The following DLG2 variants were observed in gnomAD, a reference collection of about 807,000 sequenced individuals.
The protein encoded by DLG2 is discs large MAGUK scaffold protein 2.
In DLG2, 45 loss-of-function variants were observed where a neutral mutation model predicts 132.5. The observed-to-expected ratio is 0.34, with a 90% confidence interval of 0.27 to 0.44. The LOEUF (loss-of-function observed/expected upper bound fraction) is 0.44. Ranked by LOEUF, DLG2 falls within the 20% of genes least tolerant of loss-of-function variation. The pLI is 1.00. For synonymous variants in DLG2, 424 were observed against 419.6 expected, an observed-to-expected ratio of 1.01 and a Z score of -0.13; for missense variants, 1,045 against 1,196.9, an observed-to-expected ratio of 0.87 and a Z score of 1.87.
chr11:85,452,900 G>C (rs1435571024), intron 3 of DLG2: 1 of 207,026 alleles, frequency 4.8e-6, no homozygotes, highest in Admixed American at 4.4e-5. Context: ...ATACTTTCTT[G>C]AAGGCAAAGA....
chr11:84,884,160 G>A (rs991098287), intron 6 of DLG2, among the ~76,000 whole-genome samples: 1 of 151,948 alleles, frequency 6.6e-6, no homozygotes, highest in African/African-American at 2.4e-5. Flanking sequence ...GCTTTCCGAG[G>A]GTGATTTCTA....
In DLG2 at chr11:83,470,051, CT is replaced by C. The variant is rs2136454255; in HGVS notation, c.2447-679del. ...CTGTTAAAATATTTTTAATCTTTGA[CT>C]CACTTATTTTTTCCTAGAAATATGT... On this transcript the variant is annotated intron_variant, in intron 24 of 27. Coordinates refer to ENST00000376104, the MANE Select transcript of DLG2 (RefSeq NM_001142699.3). Among the ~76,000 whole-genome samples the C allele has an allele frequency of 2.0e-5, 3 of 152,152 alleles. No individual in the cohort carries two copies. In the East Asian group the frequency reaches 5.8e-4, roughly 29 times the overall value.
chr11:83,998,114 C>T (rs545897806), intron 11 of DLG2, among the ~76,000 whole-genome samples: 77 of 151,374 alleles, frequency 5.1e-4, no homozygotes, highest in Middle Eastern at 3.4e-3. Flanking sequence ...CCAGCCTGGG[C>T]GACAGAGTGA....
intron 6 of DLG2, among the ~76,000 whole-genome samples, chr11:84,732,238 C>A (rs1437446918): frequency 2.0e-5 from 3 of 152,084 alleles, no homozygotes; most frequent in Non-Finnish European, 4.4e-5. Context: ...CTACGAATAT[C>A]TGTGCATAAG....
chr11:84,931,162 T>G (rs1363230774), intron 6 of DLG2, among the ~76,000 whole-genome samples: 1 of 152,142 alleles, frequency 6.6e-6, no homozygotes, highest in African/African-American at 2.4e-5. Flanking sequence ...TTTCAGTATT[T>G]TTTTTTAATT....
At chr11:84,939,633 T>C (rs918678826) in intron 6 of DLG2, among the ~76,000 whole-genome samples, 10 of 152,184 alleles carry the variant, frequency 6.6e-5, no homozygotes, top group Admixed American at 4.6e-4. Flanking sequence ...AGTTCAATTG[T>C]TTTCATTTTT....
chr11:84,178,885 G>A (rs1013354997), intron 8 of DLG2, among the ~76,000 whole-genome samples: 2 of 152,064 alleles, frequency 1.3e-5, no homozygotes, highest in African/African-American at 4.8e-5. Flanking sequence ...TGGTAAGAGA[G>A]AAGAGGGCAA....
intron 3 of DLG2, among the ~76,000 whole-genome samples, chr11:85,569,044 T>C (rs2077698481): frequency 6.6e-6 from 1 of 152,178 alleles, no homozygotes; most frequent in South Asian, 2.1e-4. Flanking sequence ...TGTTTGTTTG[T>C]ATTTTGAGAT....
intron 11 of DLG2, among the ~76,000 whole-genome samples, chr11:84,057,702 T>C (rs186941736): frequency 1.3e-5 from 2 of 152,322 alleles, no homozygotes; most frequent in Non-Finnish European, 2.9e-5. Flanking sequence ...GCTAATTTTG[T>C]TGGTCGGTCA....
At chr11:83,968,144 T>C (rs553897039) in intron 12 of DLG2, among the ~76,000 whole-genome samples, 1 of 152,346 alleles carries the variant, frequency 6.6e-6, no homozygotes, top group African/African-American at 2.4e-5. Context: ...ATTCCTATAG[T>C]ACACATTATC....
At chr11:84,014,385 A>G (rs1442302722) in intron 11 of DLG2, among the ~76,000 whole-genome samples, 1 of 152,138 alleles carries the variant, frequency 6.6e-6, no homozygotes, top group Non-Finnish European at 1.5e-5. Flanking sequence ...TTATCAGTCA[A>G]TTTTCTTCAC....
chr11:83,725,741 T>G (rs1566718424), intron 18 of DLG2, among the ~76,000 whole-genome samples: 1 of 152,214 alleles, frequency 6.6e-6, no homozygotes, highest in East Asian at 1.9e-4. Context: ...CCAGGTACGC[T>G]TAAGGACTTT....
intron 4 of DLG2, among the ~76,000 whole-genome samples, chr11:85,180,124 C>T (rs2079590490): frequency 6.6e-6 from 1 of 151,656 alleles, no homozygotes; most frequent in African/African-American, 2.4e-5. Context: ...GTCAAAATGC[C>T]AGCAGGATTA....
intron 9 of DLG2, among the ~76,000 whole-genome samples, chr11:84,131,917 T>C (rs1294591141): frequency 1.3e-5 from 2 of 151,954 alleles, no homozygotes; most frequent in Non-Finnish European, 2.9e-5. Flanking sequence ...GCCATATATG[T>C]ATGTGAATAT....
At chr11:84,610,132 A>G (rs1479007845) in intron 6 of DLG2, among the ~76,000 whole-genome samples, 4 of 152,148 alleles carry the variant, frequency 2.6e-5, no homozygotes, top group Non-Finnish European at 5.9e-5. Flanking sequence ...GATGAAATAC[A>G]TAAAATGAGA....
chr11:85,167,491 A>G (rs2152486517), intron 4 of DLG2, among the ~76,000 whole-genome samples: 1 of 152,280 alleles, frequency 6.6e-6, no homozygotes, highest in African/African-American at 2.4e-5. Flanking sequence ...GTCACCCTGA[A>G]GCAAGTGATA....
intron 10 of DLG2, among the ~76,000 whole-genome samples, chr11:84,060,820 A>C (rs7924360): frequency 0.06 from 9,050 of 151,780 alleles, 323 homozygotes; most frequent in African/African-American, 0.094. Flanking sequence ...CTTTTCCCCC[A>C]CCACCACGCA....
intron 4 of DLG2, among the ~76,000 whole-genome samples, chr11:85,248,384 G>A (rs542385571): frequency 4.2e-4 from 64 of 151,766 alleles, no homozygotes; most frequent in Admixed American, 1.1e-3. Flanking sequence ...TGACTTCTTC[G>A]GTAAATAGTT....
rs562530299 is a variant in DLG2 at position 84,563,869 on chromosome 11, T to A, written c.358-29138A>T. Among the ~76,000 whole-genome samples the A allele has an allele frequency of 4.6e-4, 70 of 152,282 alleles. No homozygotes were observed. The South Asian group carries it at 8.1e-3, about 18-fold the overall frequency. ...CTCATCTGAAACATGTTTAGAGAAC[T>A]AGGCTAGAAAAGTGGCTCTCTTTTG... On this transcript the variant is annotated intron_variant, in intron 6 of 27. Transcript: ENST00000376104.
Sources: gnomAD v4.1 joint callset for allele counts (sites outside exome capture counted in the v4.1 genomes callset) on GRCh38, gnomAD v4.1.1 for gene constraint, MANE v1.5 for transcripts, NCBI Gene and HGNC (gene_info 2026-07-23, HGNC 2026-07-21) for gene names.